The following IRF1 variants were observed in gnomAD, a reference collection of about 807,000 sequenced individuals.
IRF1 encodes interferon regulatory factor-1.
A neutral mutation model predicts 43.7 loss-of-function variants in IRF1; 13 were observed. That is an observed-to-expected ratio of 0.30 (90% CI 0.19 to 0.47). IRF1 has a LOEUF of 0.47. IRF1 is among the 20% of genes least tolerant of loss of function. The probability of loss-of-function intolerance (pLI) is 0.99; values close to 1 mark genes in which losing one functional copy is unlikely to be tolerated. For missense variants in IRF1, 236 were observed against 408.9 expected, an observed-to-expected ratio of 0.58 and a Z score of 3.65; for synonymous variants, 138 against 146.8, an observed-to-expected ratio of 0.94 and a Z score of 0.43.
chr5:132,483,075 C>G lies in IRF1; in HGVS notation c.*876G>C, dbSNP rs1356320354. Reference sequence around the variant, plus strand: ...AAGTTAAATTTCTCTCTAAAAAGGCCACACCCCTTATAAACAATTTACTTT... The same window carrying G: ...AAGTTAAATTTCTCTCTAAAAAGGCGACACCCCTTATAAACAATTTACTTT... On this transcript the variant is annotated 3_prime_UTR_variant, in exon 10 of 10. Coordinates refer to ENST00000245414, the MANE Select transcript of IRF1 (RefSeq NM_002198.3). 5 of 128,392 alleles carry G rather than the reference C, an allele frequency of 3.9e-5. No individual in the cohort carries two copies. Among genetic ancestry groups the G allele is most frequent in the Non-Finnish European group, 1.7e-5 (1 of 60,326 alleles). 8.0% of individuals were successfully genotyped at this position (128,392 alleles called of 1,614,324 possible).
intron 7 of IRF1, 68 bp from the exon 8 acceptor site, chr5:132,485,784 GC>G: frequency 8.4e-7 from 1 of 1,192,118 alleles, no homozygotes; most frequent in Non-Finnish European, 1.3e-6. Context: ...TCCAGTTCCA[GC>G]CCACCAGATC....
In IRF1 at chr5:132,481,780, G is replaced by C. The variant is rs889319753; in HGVS notation, c.*2171C>G. On this transcript the variant is annotated 3_prime_UTR_variant, in exon 10 of 10. Transcript: ENST00000245414. The stretch of plus-strand genomic sequence containing the variant: ...GAAACTGGATGGCAAGTGCTACCCA[G>C]CACAGCAGCCGTGAGGACCTTTCTT... The C allele has an allele frequency of 1.3e-5, 2 of 152,322 alleles. No individual in the cohort carries two copies. Among genetic ancestry groups the C allele is most frequent in the African/African-American group, 4.8e-5 (2 of 41,458 alleles). The allele number at this position is 152,322 out of a possible 1,614,324, so 9.4% of individuals were successfully genotyped here. A position where few individuals can be genotyped will look rare whatever the true frequency, so the allele number is the denominator to read the frequency against.
At chr5:132,486,737 C>T (rs1271065625) in intron 5 of IRF1, 51 bp from the exon 6 acceptor site, 2 of 1,614,198 alleles carry the variant, frequency 1.2e-6, no homozygotes, top group East Asian at 2.2e-5. Context: ...GCATTTCTTC[C>T]ACTGCTCACC....
chr5:132,488,286 G>A (rs982509234), intron 2 of IRF1: 5 of 432,734 alleles, frequency 1.2e-5, no homozygotes, highest in East Asian at 4.5e-5. Context: ...TGTTACACAT[G>A]TGCTAGGACC....
In IRF1 at chr5:132,486,382, C is replaced by A. The variant is rs771235039; in HGVS notation, c.545-9G>T. 7 of 1,610,756 alleles carry A rather than the reference C, an allele frequency of 4.3e-6. No homozygotes were observed. The highest frequency in any genetic ancestry group is 4.2e-6 in the Non-Finnish European group (5 of 1,180,012). ...AGCACATGGCGACAGTGCTGGGGAA[C>A]AGCAGAAGCCACAGGTCAAGGTTGT... On this transcript the variant is annotated splice_polypyrimidine_tract_variant and intron_variant, in intron 6 of 9. Transcript: ENST00000245414.
Position 132,483,593 on chromosome 5 carries a change from G to A in IRF1, c.*358C>T. On this transcript the variant is annotated 3_prime_UTR_variant, in exon 10 of 10. Coordinates refer to ENST00000245414, the MANE Select transcript of IRF1 (RefSeq NM_002198.3). The stretch of plus-strand genomic sequence containing the variant: ...GGGATTGGTGTTATGCTTTTCTGGG[G>A]TCACTGGTCTGTTCCCCTAGGAGCC... The A allele has an allele frequency of 4.6e-6, 1 of 219,522 alleles. No homozygotes were observed. The highest frequency in any genetic ancestry group is 9.3e-6 in the Non-Finnish European group (1 of 107,624). 13.6% of individuals were successfully genotyped at this position (219,522 alleles called of 1,614,324 possible). A position where few individuals can be genotyped will look rare whatever the true frequency, so the allele number is the denominator to read the frequency against.
At chr5:132,485,433 T>C (rs1754495528) in intron 8 of IRF1, 2 of 562,738 alleles carry the variant, frequency 3.6e-6, no homozygotes, top group South Asian at 2.0e-5. Flanking sequence ...AGCTGTCTGA[T>C]GCCCCAAGGC....
chr5:132,485,443 CTTGCT>C, intron 8 of IRF1: 1 of 578,898 alleles, frequency 1.7e-6, no homozygotes, highest in Non-Finnish European at 3.2e-6. Context: ...TGCCCCAAGG[CTTGCT>C]TCAGGACGGC....
Position 132,483,859 on chromosome 5 carries a change from G to A in IRF1, c.*92C>T, listed in dbSNP as rs1754449725. 1.3e-6 allele frequency: 2 copies of A among 1,517,638 alleles called. No homozygotes were observed. Among genetic ancestry groups the A allele is most frequent in the African/African-American group, 1.4e-5 (1 of 72,656 alleles). The allele number at this position is 1,517,638 out of a possible 1,614,324, so 94.0% of individuals were successfully genotyped here. ...CAGTGGGGTCACACTTGGCTGTTGA[G>A]GGGCCCACAGAAGTCCAGCTTCTCT... is the stretch of plus-strand genomic sequence containing the variant. On this transcript the variant is annotated 3_prime_UTR_variant, in exon 10 of 10. Coordinates refer to ENST00000245414, the MANE Select transcript of IRF1 (RefSeq NM_002198.3).
In IRF1 at chr5:132,484,069, A is replaced by G. The variant is rs755784838; in HGVS notation, c.860T>C (p.Ile287Thr). Reference sequence around the variant, plus strand: ...GAAGACACGCTGTAGACTCAGCCCAATATCCCCTAGAAGATGTGAAGAAGG... The same window carrying G: ...GAAGACACGCTGTAGACTCAGCCCAGTATCCCCTAGAAGATGTGAAGAAGG... ...EPEIDSPGGD[I>T]GLSLQRVFTD... The change falls in exon 10 of 10, where the codon ATT (isoleucine) becomes ACT (threonine). Residue 287 changes from isoleucine (I) to threonine (T), a missense_variant. Transcript: ENST00000245414. The G allele has an allele frequency of 1.2e-6, 2 of 1,613,784 alleles. No homozygotes were observed. Among genetic ancestry groups the G allele is most frequent in the Non-Finnish European group, 1.7e-6 (2 of 1,179,818 alleles).
chr5:132,489,174 T>C (rs1180441435), intron 2 of IRF1: 2 of 504,056 alleles, frequency 4.0e-6, no homozygotes, highest in Middle Eastern at 4.9e-4. Flanking sequence ...TGGAAGTGCC[T>C]TCAGGTGGGT....
chr5:132,483,626 G>A lies in IRF1; in HGVS notation c.*325C>T. The A allele has an allele frequency of 3.6e-6, 1 of 275,132 alleles. No homozygotes were observed. Among genetic ancestry groups the A allele is most frequent in the Non-Finnish European group, 7.1e-6 (1 of 141,168 alleles). 17.0% of individuals were successfully genotyped at this position (275,132 alleles called of 1,614,324 possible). On this transcript the variant is annotated 3_prime_UTR_variant, in exon 10 of 10. Transcript: ENST00000245414. ...TCTGTTCCCCTAGGAGCCAGCCAGTGACAGCGAGACCCTCTCCAGGCAGCT... is the reference window on the plus strand; with the variant it reads ...TCTGTTCCCCTAGGAGCCAGCCAGTAACAGCGAGACCCTCTCCAGGCAGCT...
chr5:132,488,794 A>C (rs2070722), intron 2 of IRF1: 57,999 of 153,290 alleles, frequency 0.38, 11,359 homozygotes, highest in African/African-American at 0.49. Flanking sequence ...GTAAGATCTA[A>C]CCCACAGGAC....
chr5:132,484,781 G>A (rs574105536), intron 8 of IRF1: 16 of 359,838 alleles, frequency 4.4e-5, no homozygotes, highest in South Asian at 2.1e-4. Flanking sequence ...TAAGGACATA[G>A]TAAGAGGGAA....
chr5:132,484,205 A>C lies in IRF1; in HGVS notation c.854-130T>G. 4.8e-6 allele frequency: 7 copies of C among 1,455,654 alleles called. No homozygotes were observed. The South Asian group carries it at 8.9e-5, about 18-fold the overall frequency. 90.2% of individuals were successfully genotyped at this position (1,455,654 alleles called of 1,614,324 possible). A position where few individuals can be genotyped will look rare whatever the true frequency, so the allele number is the denominator to read the frequency against. ...CAGCAGTAAACATCCACTCAGCTTC[A>C]GGCAAACCTTAAGGCATGGCAGCCG... is the stretch of plus-strand genomic sequence containing the variant. On this transcript the variant is annotated intron_variant, in intron 9 of 9. Transcript: ENST00000245414.
chr5:132,483,614 G>C lies in IRF1; in HGVS notation c.*337C>G, dbSNP rs749126418. ...TGGGGTCACTGGTCTGTTCCCCTAG[G>C]AGCCAGCCAGTGACAGCGAGACCCT... On this transcript the variant is annotated 3_prime_UTR_variant, in exon 10 of 10. Coordinates refer to ENST00000245414, the MANE Select transcript of IRF1 (RefSeq NM_002198.3). 12 of 267,724 alleles carry C rather than the reference G, an allele frequency of 4.5e-5. No individual in the cohort carries two copies. Among genetic ancestry groups the C allele is most frequent in the Non-Finnish European group, 7.3e-5 (10 of 136,130 alleles). The allele number at this position is 267,724 out of a possible 1,614,324, so 16.6% of individuals were successfully genotyped here.
chr5:132,487,827 A>G lies in IRF1; in HGVS notation c.187+99T>C, dbSNP rs13170412. ...TCCCAGTAATTCTGCATGTTGTCTC[A>G]GGGAGCTCAGGGACCCCAGTGAAGA... On this transcript the variant is annotated intron_variant, in intron 3 of 9. Transcript: ENST00000245414. The G allele has an allele frequency of 0.34, 250,353 of 747,106 alleles. 42,243 individuals are homozygous for G. Among genetic ancestry groups the G allele is most frequent in the Middle Eastern group, 0.39 (1,210 of 3,128 alleles). The allele number at this position is 747,106 out of a possible 1,614,324, so 46.3% of individuals were successfully genotyped here.
In IRF1 at chr5:132,490,652, G is replaced by A. The variant is rs1754696330; in HGVS notation, c.-113C>T. 1 of 152,268 alleles carries A rather than the reference G, an allele frequency of 6.6e-6. No individual in the cohort carries two copies. Among genetic ancestry groups the A allele is most frequent in the Non-Finnish European group, 1.5e-5 (1 of 68,056 alleles). The allele number at this position is 152,268 out of a possible 1,614,324, so 9.4% of individuals were successfully genotyped here. ...TCCGAGTGGAAGAGGGAAGAAGGCA[G>A]AGGTTGCCGGGTTCTTAAGGCCGCC... is the stretch of plus-strand genomic sequence containing the variant. On this transcript the variant is annotated 5_prime_UTR_variant, in exon 1 of 10. Coordinates refer to ENST00000245414, the MANE Select transcript of IRF1 (RefSeq NM_002198.3). This position sits in a 1 kb window ranked among gnomAD's most constrained non-coding sequence, Gnocchi z 5.8.
rs1296401133 is a variant in IRF1, at chr5:132,488,004, G to A, written c.109C>T (p.Pro37Ser). ...CCATGCTTGGCAGCATGCTTCCATG[G>A]GATCTGGAAGATCATCTCCTCCTGA... ...INKEEMIFQI[P>S]WKHAAKHGWD... Residue 37 changes from proline to serine, a missense_variant, in exon 3 of 10, where the codon CCA (proline) becomes TCA (serine). Transcript: ENST00000245414. The A allele has an allele frequency of 6.2e-7, 1 of 1,612,026 alleles. No individual in the cohort carries two copies. The highest frequency in any genetic ancestry group is 1.3e-5 in the African/African-American group (1 of 75,002).
Sources: allele counts gnomAD v4.1 joint callset, GRCh38; gene constraint gnomAD v4.1.1; non-coding constraint Gnocchi (gnomAD v3.1); transcripts MANE v1.5; gene names NCBI Gene and HGNC (gene_info 2026-07-23, HGNC 2026-07-21).